The following AHDC1 variants were observed in gnomAD, a reference collection of about 807,000 sequenced individuals.
The protein encoded by AHDC1 is AT-hook DNA binding motif containing 1, also known as transcription factor Gibbin.
Under a neutral mutation model 87.9 loss-of-function variants are expected in AHDC1, and 7 were observed. That is an observed-to-expected ratio of 0.08 (90% CI 0.05 to 0.15). The LOEUF (loss-of-function observed/expected upper bound fraction) is 0.15, where lower values mean the gene tolerates loss of function less well. Ranked by LOEUF, AHDC1 falls within the 10% of genes least tolerant of loss-of-function variation. The pLI, the probability that AHDC1 is intolerant of heterozygous loss-of-function variation, is 1.00. For missense variants in AHDC1, 1,841 were observed against 2,253.2 expected, an observed-to-expected ratio of 0.82 and a Z score of 3.70; for synonymous variants, 1,051 against 1,006.8, an observed-to-expected ratio of 1.04 and a Z score of -0.83.
chr1:27,546,166 C>T (rs1459549085), intron 8 of AHDC1, among the ~76,000 whole-genome samples: 2 of 152,204 alleles, frequency 1.3e-5, no homozygotes, highest in African/African-American at 4.8e-5. Flanking sequence ...GGCATGCCCC[C>T]AGTCTGCCCC....
At chr1:27,575,294 C>T (rs1237619433) in intron 3 of AHDC1, among the ~76,000 whole-genome samples, 1 of 152,196 alleles carries the variant, frequency 6.6e-6, no homozygotes, top group Non-Finnish European at 1.5e-5. Context: ...AGGTGACGGG[C>T]GGAGAGGGAA....
Position 27,593,952 on chromosome 1 carries a change from C to T in AHDC1, c.-629+9445G>A, listed in dbSNP as rs1250741629. 6.6e-6 allele frequency among the ~76,000 whole-genome samples: 1 copy of T among 152,162 alleles called. No homozygotes were observed. The highest frequency in any genetic ancestry group is 1.5e-5 in the Non-Finnish European group (1 of 68,010). ...GGGATCAGTGGAGCCCTTCTGTGAG[C>T]CTTCCCTCAGCAAGAGAGGAGGCAC... On this transcript the variant is annotated intron_variant, in intron 3 of 8. Transcript: ENST00000673934. The surrounding 1 kb of genome is among the most constrained non-coding windows in gnomAD (Gnocchi z 4.9).
At chr1:27,543,035 A>G (rs998115154) in intron 8 of AHDC1, among the ~76,000 whole-genome samples, 1 of 152,240 alleles carries the variant, frequency 6.6e-6, no homozygotes, top group Non-Finnish European at 1.5e-5. Flanking sequence ...GAAGAGACAA[A>G]GCCCAGAGCA....
rs1017174585 is a variant in AHDC1 at position 27,565,340 on chromosome 1, C to T, written c.-628-6457G>A. 6.6e-6 allele frequency among the ~76,000 whole-genome samples: 1 copy of T among 152,168 alleles called. No homozygotes were observed. Among genetic ancestry groups the T allele is most frequent in the African/African-American group, 2.4e-5 (1 of 41,450 alleles). On this transcript the variant is annotated intron_variant, in intron 3 of 8. Transcript: ENST00000673934. The surrounding 1 kb of genome is among the most constrained non-coding windows in gnomAD (Gnocchi z 4.6). Reference sequence around the variant, plus strand: ...CACCACACCCAGAGGTGAGGCCTGACTCCCCTACCCCAGGGCCTGTTTGCC... The same window carrying T: ...CACCACACCCAGAGGTGAGGCCTGATTCCCCTACCCCAGGGCCTGTTTGCC...
rs773518872 is a variant in AHDC1 at position 27,547,388 on chromosome 1, G to T, written c.4728C>A (p.Gly1576=). Residue 1576 remains glycine (G), a synonymous_variant, in exon 8 of 9, where the codon GGC becomes GGA. Coordinates refer to ENST00000673934, the MANE Select transcript of AHDC1 (RefSeq NM_001371928.1). The surrounding 1 kb of genome is among the most constrained non-coding windows in gnomAD (Gnocchi z 4.9). The part of the protein sequence containing the change: ...YPGFMPQAHP[G]LGGGPKSGFL... ...AGCCGCTCTTGGGGCCCCCACCCAGGCCAGGATGCGCCTGGGGCATAAAGC... is the reference window on the plus strand; with the variant it reads ...AGCCGCTCTTGGGGCCCCCACCCAGTCCAGGATGCGCCTGGGGCATAAAGC... 2 of 1,562,016 alleles carry T rather than the reference G, an allele frequency of 1.3e-6. No homozygotes were observed. The highest frequency in any genetic ancestry group is 1.7e-6 in the Non-Finnish European group (2 of 1,153,686).
intron 3 of AHDC1, among the ~76,000 whole-genome samples, chr1:27,591,961 G>T (rs1186717366): frequency 6.6e-6 from 1 of 152,174 alleles, no homozygotes; most frequent in South Asian, 2.1e-4. Context: ...GGAGAAGGGG[G>T]AAGAGGGATC....
At chr1:27,537,912 A>T (rs2018717802) in intron 8 of AHDC1, among the ~76,000 whole-genome samples, 1 of 152,222 alleles carries the variant, frequency 6.6e-6, no homozygotes, top group Non-Finnish European at 1.5e-5. Flanking sequence ...CATATAAATC[A>T]GGTTGTCCAG....
At chr1:27,544,264 C>A (rs180860545) in intron 8 of AHDC1, among the ~76,000 whole-genome samples, 1 of 152,242 alleles carries the variant, frequency 6.6e-6, no homozygotes. Context: ...CACAAATGTC[C>A]CTTTTCTCAT....
At chr1:27,601,424 A>G (rs1362609190) in intron 3 of AHDC1, among the ~76,000 whole-genome samples, 1 of 152,206 alleles carries the variant, frequency 6.6e-6, no homozygotes, top group East Asian at 1.9e-4. Flanking sequence ...CCAGATGAAG[A>G]AGGACAACTC....
At position 27,565,166 on chromosome 1, in the gene AHDC1, A is replaced by G. The variant is rs1183086895; in HGVS notation, c.-628-6283T>C. Among the ~76,000 whole-genome samples the G allele has an allele frequency of 2.6e-5, 4 of 152,158 alleles. No homozygotes were observed. The highest frequency in any genetic ancestry group is 5.9e-5 in the Non-Finnish European group (4 of 67,992). On this transcript the variant is annotated intron_variant, in intron 3 of 8. Coordinates refer to ENST00000673934, the MANE Select transcript of AHDC1 (RefSeq NM_001371928.1). This position sits in a 1 kb window ranked among gnomAD's most constrained non-coding sequence, Gnocchi z 4.6. Reference sequence around the variant, plus strand: ...TAATTTTAGCTGAGGCCTCGATGCCAGCTTTGTTCCCCCCACCCACCCGCC... The same window carrying G: ...TAATTTTAGCTGAGGCCTCGATGCCGGCTTTGTTCCCCCCACCCACCCGCC...
At chr1:27,570,392 A>C (rs2020515815) in intron 3 of AHDC1, among the ~76,000 whole-genome samples, 1 of 151,436 alleles carries the variant, frequency 6.6e-6, no homozygotes, top group Non-Finnish European at 1.5e-5. Context: ...TTTAGAGACC[A>C]CTGGCCTAAA....
chr1:27,587,475 C>T (rs1426360935), intron 3 of AHDC1, among the ~76,000 whole-genome samples: 1 of 152,188 alleles, frequency 6.6e-6, no homozygotes, highest in East Asian at 1.9e-4. Flanking sequence ...GAAGCTCCTT[C>T]CCCAACTTCT....
Position 27,537,740 on chromosome 1 carries a change from G to A in AHDC1, c.*44-2824C>T, listed in dbSNP as rs147730131. The stretch of plus-strand genomic sequence containing the variant: ...GCAGACTTCACCTTTTAGTGCCTCC[G>A]TGACACACAACTGCAGAGCCACATT... On this transcript the variant is annotated intron_variant, in intron 8 of 8. Coordinates refer to ENST00000673934, the MANE Select transcript of AHDC1 (RefSeq NM_001371928.1). Among the ~76,000 whole-genome samples the A allele has an allele frequency of 7.7e-3, 1,175 of 152,256 alleles. 9 individuals are homozygous for A. Among genetic ancestry groups the A allele is most frequent in the African/African-American group, 0.026 (1,060 of 41,530 alleles).
intron 8 of AHDC1, among the ~76,000 whole-genome samples, chr1:27,537,312 C>T (rs1380086083): frequency 6.6e-6 from 1 of 152,162 alleles, no homozygotes; most frequent in African/African-American, 2.4e-5. Context: ...CTTTGAGAGG[C>T]TCACAGATAG....
At position 27,548,315 on chromosome 1, in the gene AHDC1, C is replaced by T. The variant is rs755602268; in HGVS notation, c.3801G>A (p.Gly1267=). 6.2e-7 allele frequency: 1 copy of T among 1,606,532 alleles called. No homozygotes were observed. The highest frequency in any genetic ancestry group is 8.5e-7 in the Non-Finnish European group (1 of 1,175,312). The stretch of plus-strand genomic sequence containing the variant: ...CCCGTCCACCTCGCGGCTGCCGGGG[C>T]CCAGTGCTCCGTTTGGATGGGTAGC... ...ASGYPSKRST[G]PRQPRGGRGG... The change falls in exon 8 of 9, where the codon GGG becomes GGA. Residue 1267 remains glycine, a synonymous_variant. Transcript: ENST00000673934.
At position 27,558,695 on chromosome 1, in the gene AHDC1, C is replaced by T; in HGVS notation, c.-451+11G>A. 2.5e-6 allele frequency: 1 copy of T among 398,654 alleles called. No individual in the cohort carries two copies. The highest frequency in any genetic ancestry group is 4.4e-6 in the Non-Finnish European group (1 of 226,074). The allele number at this position is 398,654 out of a possible 1,614,324, so 24.7% of individuals were successfully genotyped here. Reference sequence around the variant, plus strand: ...CCCAGGCCCAAGCCTGACTTCCCTGCACACTGTTACCTGAGCAGGCTGCGA... The same window carrying T: ...CCCAGGCCCAAGCCTGACTTCCCTGTACACTGTTACCTGAGCAGGCTGCGA... On this transcript the variant is annotated intron_variant, in intron 4 of 8. Transcript: ENST00000673934. The surrounding 1 kb of genome is among the most constrained non-coding windows in gnomAD (Gnocchi z 5.6).
chr1:27,570,862 G>GC (rs922599077), intron 3 of AHDC1, among the ~76,000 whole-genome samples: 1 of 151,702 alleles, frequency 6.6e-6, no homozygotes, highest in South Asian at 2.1e-4. Context: ...CTGCAAACCA[G>GC]CCCCCTCCAG....
chr1:27,574,664 C>A (rs1056970431), intron 3 of AHDC1, among the ~76,000 whole-genome samples: 18 of 152,262 alleles, frequency 1.2e-4, no homozygotes, highest in African/African-American at 4.1e-4. Context: ...GGAGAAGGGT[C>A]CACCATCAGA....
rs1463852333 is a variant in AHDC1 at position 27,571,203 on chromosome 1, C to T, written c.-628-12320G>A. Among the ~76,000 whole-genome samples the T allele has an allele frequency of 2.0e-5, 3 of 152,182 alleles. No homozygotes were observed. The South Asian group carries it at 6.2e-4, about 31-fold the overall frequency. Reference sequence around the variant, plus strand: ...TCCAGAAAGTCCCCACTAGTATTCTCTGCCACCCCAAATGTCCCATCTCAT... The same window carrying T: ...TCCAGAAAGTCCCCACTAGTATTCTTTGCCACCCCAAATGTCCCATCTCAT... On this transcript the variant is annotated intron_variant, in intron 3 of 8. Coordinates refer to ENST00000673934, the MANE Select transcript of AHDC1 (RefSeq NM_001371928.1).
Sources: allele counts gnomAD v4.1 joint callset (sites outside exome capture counted in the v4.1 genomes callset), GRCh38; gene constraint gnomAD v4.1.1; non-coding constraint Gnocchi (gnomAD v3.1); transcripts MANE v1.5; gene names NCBI Gene and HGNC (gene_info 2026-07-23, HGNC 2026-07-21).